ZGRF1: variants seen among roughly 807,000 people sequenced by gnomAD.
ZGRF1 encodes the protein zinc finger GRF-type containing 1, also known as 5'-3' DNA helicase ZGRF1.
ZGRF1 carries 196 observed loss-of-function variants against 203.5 expected under a neutral mutation model. That is an observed-to-expected ratio of 0.96 (90% CI 0.86 to 1.08). The LOEUF (loss-of-function observed/expected upper bound fraction) is 1.08. Ranked by LOEUF, ZGRF1 falls within the 50% of genes least tolerant of loss-of-function variation. ZGRF1 has a pLI of 0.00. For synonymous variants in ZGRF1, 809 were observed against 841.3 expected (o/e 0.96, Z 0.66); for missense variants, 2,326 against 2,416.3 (o/e 0.96, Z 0.78).
chr4:112,609,322 G>T, intron 8 of ZGRF1, 57 bp downstream of exon 8: 2 of 860,644 alleles, frequency 2.3e-6, no homozygotes, highest in South Asian at 1.8e-5. Flanking sequence ...CAAAGTGCTG[G>T]GATTACAGGC....
intron 15 of ZGRF1, among the ~76,000 whole-genome samples, chr4:112,582,288 CTTT>C (rs34363128): frequency 1.1e-4 from 16 of 142,070 alleles, no homozygotes; most frequent in Non-Finnish European, 1.2e-4. Context: ...TACTGTATTC[CTTT>C]TTTTTTTTTT....
chr4:112,620,679 C>T (rs2047033794), intron 4 of ZGRF1, among the ~76,000 whole-genome samples: 1 of 152,052 alleles, frequency 6.6e-6, no homozygotes, highest in African/African-American at 2.4e-5. Flanking sequence ...GTCAACATAG[C>T]AAGACCCTGT....
At chr4:112,590,456 A>G (rs569143870) in intron 10 of ZGRF1, among the ~76,000 whole-genome samples, 2 of 152,326 alleles carry the variant, frequency 1.3e-5, no homozygotes, top group Non-Finnish European at 2.9e-5. Flanking sequence ...CAATATATAT[A>G]TTTGTATAAG....
intron 16 of ZGRF1, among the ~76,000 whole-genome samples, chr4:112,567,579 C>T (rs1430322135): frequency 6.6e-6 from 1 of 152,058 alleles, no homozygotes; most frequent in African/African-American, 2.4e-5. Context: ...TGAGGCCAGC[C>T]TAGGCAAAAC....
chr4:112,560,422 T>A (rs913165052), intron 19 of ZGRF1, among the ~76,000 whole-genome samples: 1 of 152,172 alleles, frequency 6.6e-6, no homozygotes, highest in African/African-American at 2.4e-5. Context: ...TGACTAGGAA[T>A]AAATAAAAGG....
chr4:112,594,279 CTTAT>C (rs1748632793), intron 10 of ZGRF1, among the ~76,000 whole-genome samples: 1 of 152,080 alleles, frequency 6.6e-6, no homozygotes, highest in Non-Finnish European at 1.5e-5. Flanking sequence ...CTTTTGAATT[CTTAT>C]TTATTCACAA....
chr4:112,604,254 G>A (rs1750427058), intron 9 of ZGRF1, among the ~76,000 whole-genome samples: 1 of 151,490 alleles, frequency 6.6e-6, no homozygotes, highest in South Asian at 2.1e-4. Context: ...TATAGCCAAT[G>A]AGGGGGAAAC....
Position 112,563,241 on chromosome 4 carries a change from A to T in ZGRF1, c.4472T>A (p.Phe1491Tyr), listed in dbSNP as rs1326938861. The T allele has an allele frequency of 6.4e-7, 1 of 1,551,338 alleles. No homozygotes were observed. The part of the protein sequence containing the change: ...DLWVVSKTLD[F>Y]ELDTFIACSA... ...ACATGCGATAAAAGTATCCAGCTCA[A>T]AGTCTAGGGTTTTTGAAACCACCCA... is the stretch of plus-strand genomic sequence containing the variant. Residue 1491 changes from phenylalanine to tyrosine, a missense_variant, in exon 17 of 28, where the codon TTT becomes TAT. Coordinates refer to ENST00000505019, the MANE Select transcript of ZGRF1 (RefSeq NM_018392.5).
In ZGRF1 at chr4:112,541,652, C is replaced by T. The variant is rs1406400537; in HGVS notation, c.5599-384G>A. 2.6e-5 allele frequency among the ~76,000 whole-genome samples: 4 copies of T among 151,754 alleles called. 1 individual carries two copies. Among genetic ancestry groups the T allele is most frequent in the African/African-American group, 7.2e-5 (3 of 41,428 alleles). On this transcript the variant is annotated intron_variant, in intron 24 of 27. Transcript: ENST00000505019. Reference sequence around the variant, plus strand: ...CAAGTGATTCTTCTGCCTCAGCCTCCCGAGTAGCTGGGATTACAGGCACCC... The same window carrying T: ...CAAGTGATTCTTCTGCCTCAGCCTCTCGAGTAGCTGGGATTACAGGCACCC...
chr4:112,585,462 C>T (rs1179523656), intron 14 of ZGRF1, 79 bp downstream of exon 14: 2 of 1,137,602 alleles, frequency 1.8e-6, no homozygotes, highest in Non-Finnish European at 2.4e-6. Context: ...ACTCTTTAAG[C>T]TTATCATGAA....
intron 3 of ZGRF1, among the ~76,000 whole-genome samples, chr4:112,625,315 G>A (rs1186531317): frequency 2.0e-5 from 3 of 151,786 alleles, no homozygotes; most frequent in Non-Finnish European, 2.9e-5. Context: ...CGCCAGGCGC[G>A]GTGGCTCAAG....
intron 1 of ZGRF1, among the ~76,000 whole-genome samples, chr4:112,634,221 A>C (rs1208846325): frequency 1.3e-5 from 2 of 152,188 alleles, no homozygotes; most frequent in Admixed American, 1.3e-4. Flanking sequence ...CGGGGTGATA[A>C]ACAGTAATTT....
rs771187812 is a variant in ZGRF1, at chr4:112,541,087, T to C, written c.5775+5A>G. On this transcript the variant is annotated splice_donor_5th_base_variant and intron_variant, in intron 25 of 27. Transcript: ENST00000505019. Reference sequence around the variant, plus strand: ...TTGACTCTCATCAACATTAATGTCATTTACCTGTTCTAGTCCTTTAACATT... The same window carrying C: ...TTGACTCTCATCAACATTAATGTCACTTACCTGTTCTAGTCCTTTAACATT... 6.3e-7 allele frequency: 1 copy of C among 1,576,460 alleles called. No homozygotes were observed. Among genetic ancestry groups the C allele is most frequent in the Non-Finnish European group, 8.6e-7 (1 of 1,158,774 alleles).
At chr4:112,586,824 T>C in intron 12 of ZGRF1, among the ~76,000 whole-genome samples, 1 of 152,334 alleles carries the variant, frequency 6.6e-6, no homozygotes, top group East Asian at 1.9e-4. Flanking sequence ...AGTTTTTATA[T>C]ATTTTTTGCT....
intron 10 of ZGRF1, among the ~76,000 whole-genome samples, chr4:112,593,631 A>G (rs980342823): frequency 2.0e-5 from 3 of 152,120 alleles, no homozygotes; most frequent in African/African-American, 7.2e-5. Context: ...CAATCCAGAT[A>G]CCTTGGCCTT....
intron 1 of ZGRF1, among the ~76,000 whole-genome samples, chr4:112,635,620 T>C (rs185702309): frequency 5.0e-4 from 75 of 148,770 alleles, no homozygotes; most frequent in Admixed American, 2.2e-3. Context: ...AATTATATAA[T>C]ATATAACTAT....
intron 10 of ZGRF1, among the ~76,000 whole-genome samples, chr4:112,602,836 C>T (rs760597098): frequency 6.6e-6 from 1 of 151,942 alleles, no homozygotes; most frequent in Non-Finnish European, 1.5e-5. Flanking sequence ...AAAAGCAAAA[C>T]TAATAGATGG....
chr4:112,548,455 G>T, intron 22 of ZGRF1, 75 bp from the exon 23 acceptor site: 1 of 1,239,292 alleles, frequency 8.1e-7, no homozygotes. Context: ...CAAAGAACTT[G>T]TAGGCTAAAA....
In ZGRF1 at chr4:112,554,159, C is replaced by A. The variant is rs180893762; in HGVS notation, c.5199-177G>T. Among the ~76,000 whole-genome samples the A allele has an allele frequency of 5.9e-3, 888 of 151,242 alleles. 2 individuals are homozygous for A. Among genetic ancestry groups the A allele is most frequent in the Non-Finnish European group, 7.4e-3 (500 of 67,812 alleles). On this transcript the variant is annotated intron_variant, in intron 21 of 27. Coordinates refer to ENST00000505019, the MANE Select transcript of ZGRF1 (RefSeq NM_018392.5). The stretch of plus-strand genomic sequence containing the variant: ...TGTTGGTGTGCTGCACCCATTAACT[C>A]GTCATTTAACATTAGGTATATCTCC...
Sources: gnomAD v4.1 joint callset for allele counts (sites outside exome capture counted in the v4.1 genomes callset) on GRCh38, gnomAD v4.1.1 for gene constraint, MANE v1.5 for transcripts, NCBI Gene and HGNC (gene_info 2026-07-23, HGNC 2026-07-21) for gene names.